Variants in SHOC1 observed in about 807,000 individuals in gnomAD.
SHOC1 encodes shortage in chiasmata 1.
Under a neutral mutation model 179.2 loss-of-function variants are expected in SHOC1, and 136 were observed. The observed-to-expected ratio is 0.76, with a 90% CI of 0.66 to 0.87. SHOC1 has a LOEUF of 0.87. Among genes scored for constraint, SHOC1 ranks in the 40% least tolerant of loss-of-function variants. The probability of loss-of-function intolerance (pLI) is 0.00; values close to 1 mark genes in which losing one functional copy is unlikely to be tolerated. For synonymous variants in SHOC1, 489 were observed against 586.6 expected (o/e 0.83, Z 2.41); for missense variants, 1,538 against 1,700.8 (o/e 0.90, Z 1.68).
chr9:111,781,580 G>T (rs150419738), intron 3 of SHOC1, among the ~76,000 whole-genome samples: 40 of 152,054 alleles, frequency 2.6e-4, no homozygotes, highest in African/African-American at 8.9e-4. Flanking sequence ...AAAATTAGCC[G>T]GGCATGGTAG....
In SHOC1 at chr9:111,791,352, CAGTA is replaced by C. The variant is rs766240847; in HGVS notation, c.45+18_45+21del. 3 of 1,374,818 alleles carry C rather than the reference CAGTA, an allele frequency of 2.2e-6. No individual in the cohort carries two copies. Among genetic ancestry groups the C allele is most frequent in the Non-Finnish European group, 2.9e-6 (3 of 1,033,360 alleles). The allele number at this position is 1,374,818 out of a possible 1,614,324, so 85.2% of individuals were successfully genotyped here. On this transcript the variant is annotated intron_variant, in intron 2 of 27. Transcript: ENST00000682961. ...TACATCATAATTCTCAGTAAATAGA[CAGTA>C]AGCCACTAACACTCTACCTCATATA...
At chr9:111,730,616 C>T (rs568734929) in intron 12 of SHOC1, among the ~76,000 whole-genome samples, 30 of 152,158 alleles carry the variant, frequency 2.0e-4, no homozygotes, top group Non-Finnish European at 3.4e-4. Context: ...TATTGTAAGC[C>T]ATGCTGTAAA....
chr9:111,748,398 T>TTG, intron 8 of SHOC1, among the ~76,000 whole-genome samples, 199 bp from the exon 9 acceptor site: 1 of 152,312 alleles, frequency 6.6e-6, no homozygotes, highest in Non-Finnish European at 1.5e-5. Flanking sequence ...TGCACACTCC[T>TTG]TGTTGCCCTT....
At chr9:111,741,608 T>A (rs779340257) in intron 10 of SHOC1, 38 bp from the exon 11 acceptor site, 1 of 1,041,640 alleles carries the variant, frequency 9.6e-7, no homozygotes, top group Admixed American at 2.2e-5. Context: ...ATTAATAATA[T>A]TGAGTCTTTT....
chr9:111,747,989 C>A, intron 9 of SHOC1, 103 bp downstream of exon 9: 1 of 678,748 alleles, frequency 1.5e-6, no homozygotes, highest in Non-Finnish European at 2.5e-6. Context: ...CAATTTTAAA[C>A]ATGGAAACTG....
intron 23 of SHOC1, among the ~76,000 whole-genome samples, chr9:111,701,445 C>T (rs1483758376): frequency 6.6e-6 from 1 of 151,968 alleles, no homozygotes; most frequent in Non-Finnish European, 1.5e-5. Flanking sequence ...AAGTTTGAAT[C>T]TCCTTTTATT....
chr9:111,722,782 T>A (rs1833124468), intron 14 of SHOC1, among the ~76,000 whole-genome samples, 197 bp from the exon 15 acceptor site: 1 of 152,178 alleles, frequency 6.6e-6, no homozygotes, highest in Non-Finnish European at 1.5e-5. Flanking sequence ...CATGGAATTA[T>A]ATAATTTTAT....
At chr9:111,695,908 G>A (rs1016275859) in intron 24 of SHOC1, among the ~76,000 whole-genome samples, 1 of 152,086 alleles carries the variant, frequency 6.6e-6, no homozygotes, top group South Asian at 2.1e-4. Flanking sequence ...TAATAAAAAC[G>A]AGATATTTCG....
At chr9:111,743,604 A>T (rs1023273292) in intron 10 of SHOC1, among the ~76,000 whole-genome samples, 20 of 152,304 alleles carry the variant, frequency 1.3e-4, no homozygotes, top group Admixed American at 5.2e-4. Context: ...ATGACTCCAA[A>T]GCACAAGAGT....
chr9:111,720,147 G>A (rs530376617), intron 15 of SHOC1, among the ~76,000 whole-genome samples: 1 of 152,246 alleles, frequency 6.6e-6, no homozygotes, highest in East Asian at 1.9e-4. Flanking sequence ...GTATTTACTG[G>A]CTTAGACTAA....
intron 19 of SHOC1, among the ~76,000 whole-genome samples, 193 bp downstream of exon 19, chr9:111,707,662 G>A (rs1832337562): frequency 6.6e-6 from 1 of 151,970 alleles, no homozygotes; most frequent in Non-Finnish European, 1.5e-5. Context: ...ATTTCTGGAC[G>A]CCAATAACAT....
chr9:111,727,011 A>G (rs1833324864), intron 13 of SHOC1, among the ~76,000 whole-genome samples: 1 of 152,188 alleles, frequency 6.6e-6, no homozygotes, highest in Admixed American at 6.5e-5. Context: ...TTAGGAATAA[A>G]CAATAGCAGC....
At chr9:111,768,535 G>C (rs1835443867) in intron 5 of SHOC1, among the ~76,000 whole-genome samples, 1 of 152,104 alleles carries the variant, frequency 6.6e-6, no homozygotes, top group South Asian at 2.1e-4. Flanking sequence ...TTGATTTTGT[G>C]TTCTGCAACT....
rs748862510 is a variant in SHOC1 at position 111,692,156 on chromosome 9, A to C, written c.3821T>G (p.Ile1274Arg). The C allele has an allele frequency of 6.2e-7, 1 of 1,613,716 alleles. No homozygotes were observed. Among genetic ancestry groups the C allele is most frequent in the South Asian group, 1.1e-5 (1 of 91,048 alleles). ...GTTATAAGCCGGTCTCCTTGATTCT[A>C]TATTAATTAGAAAAGGAGTATTCTG... is the stretch of plus-strand genomic sequence containing the variant. ...IGQNTPFLIN[I>R]ESRRPAYNSF... is the part of the protein sequence containing the mutation. The change falls in exon 27 of 28, where the codon ATA becomes AGA. Residue 1274 changes from isoleucine (I) to arginine (R), a missense_variant. By Grantham distance (97) the Ile-to-Arg change is moderately conservative (BLOSUM62 -3). Transcript: ENST00000682961.
chr9:111,789,045 CA>C (rs58550562), intron 2 of SHOC1, among the ~76,000 whole-genome samples: 1 of 152,322 alleles, frequency 6.6e-6, no homozygotes, highest in African/African-American at 2.4e-5. Context: ...CCATCTTAAA[CA>C]ATATCTCTTC....
Position 111,727,723 on chromosome 9 carries a change from A to G in SHOC1, c.1744T>C (p.Leu582=), listed in dbSNP as rs1181651206. The part of the protein sequence containing the change: ...FEHGKKQEND[L]DLLSDFIMLR... ...ATAATAAAGTCGCTCAAAAGGTCCAAATCATTCTCTTGTTTTTTGCCATGT... is the reference window on the plus strand; with the variant it reads ...ATAATAAAGTCGCTCAAAAGGTCCAGATCATTCTCTTGTTTTTTGCCATGT... Residue 582 remains leucine (L), a synonymous_variant, in exon 13 of 28, where the codon TTG becomes CTG. Coordinates refer to ENST00000682961, the MANE Select transcript of SHOC1 (RefSeq NM_001378211.1). 4 of 1,613,064 alleles carry G rather than the reference A, an allele frequency of 2.5e-6. No homozygotes were observed. In the African/African-American group the frequency reaches 5.3e-5, roughly 22 times the overall value.
At chr9:111,780,310 A>T (rs1347950128) in intron 4 of SHOC1, among the ~76,000 whole-genome samples, 1 of 152,234 alleles carries the variant, frequency 6.6e-6, no homozygotes, top group Non-Finnish European at 1.5e-5. Context: ...TCTGTGCATG[A>T]AGTGAAGCAA....
chr9:111,689,226 A>G (rs1489454893), intron 27 of SHOC1, among the ~76,000 whole-genome samples: 1 of 151,646 alleles, frequency 6.6e-6, no homozygotes, highest in African/African-American at 2.4e-5. Flanking sequence ...CCTCTACAAA[A>G]AATACAAAAA....
intron 12 of SHOC1, among the ~76,000 whole-genome samples, chr9:111,732,750 A>G (rs77094159): frequency 0.011 from 1,691 of 152,152 alleles, 29 homozygotes; most frequent in African/African-American, 0.038. Flanking sequence ...GTCAAGGACC[A>G]GGGGGGTAGG....
Sources: gnomAD v4.1 joint callset for allele counts (sites outside exome capture counted in the v4.1 genomes callset) on GRCh38, gnomAD v4.1.1 for gene constraint, MANE v1.5 for transcripts, NCBI Gene and HGNC (gene_info 2026-07-23, HGNC 2026-07-21) for gene names.